BBS9: variants seen among roughly 807,000 people sequenced by gnomAD.
BBS9 encodes the protein protein PTHB1.
Under a neutral mutation model 117.7 loss-of-function variants are expected in BBS9, and 89 were observed. The ratio of observed to expected loss-of-function variants is 0.76; its 90% CI spans 0.64 to 0.90. The LOEUF is 0.90. Among genes scored for constraint, BBS9 ranks in the 40% least tolerant of loss-of-function variants. The pLI is 0.00. For missense variants in BBS9, 982 were observed against 1,042.2 expected (o/e 0.94, Z 0.80); for synonymous variants, 379 against 370.9 (o/e 1.02, Z -0.25).
chr7:33,246,849 C>T (rs529730869), intron 5 of BBS9, among the ~76,000 whole-genome samples: 2 of 152,074 alleles, frequency 1.3e-5, no homozygotes, highest in Admixed American at 6.5e-5. Flanking sequence ...ACAGCTCATT[C>T]CCCATTCCCA....
intron 9 of BBS9, among the ~76,000 whole-genome samples, chr7:33,323,782 T>C (rs915356660): frequency 6.6e-6 from 1 of 151,724 alleles, no homozygotes; most frequent in African/African-American, 2.4e-5. Flanking sequence ...CCTGCCATTT[T>C]GTTCTGTGGT....
At chr7:33,293,054 G>A (rs183656097) in intron 9 of BBS9, among the ~76,000 whole-genome samples, 7 of 151,584 alleles carry the variant, frequency 4.6e-5, no homozygotes, top group Admixed American at 1.3e-4. Flanking sequence ...AATTATTAGC[G>A]TTGACCTCAT....
At chr7:33,458,768 A>G (rs1235327076) in intron 19 of BBS9, among the ~76,000 whole-genome samples, 2 of 152,142 alleles carry the variant, frequency 1.3e-5, no homozygotes, top group African/African-American at 4.8e-5. Flanking sequence ...ATAGGTGAAC[A>G]TTTCTCAGTT....
intron 5 of BBS9, among the ~76,000 whole-genome samples, chr7:33,233,839 G>T (rs374908354): frequency 3.3e-5 from 5 of 152,124 alleles, no homozygotes; most frequent in African/African-American, 1.2e-4. Flanking sequence ...CCAGGTGCCA[G>T]CACGTGCTTC....
intron 5 of BBS9, among the ~76,000 whole-genome samples, chr7:33,244,655 C>T (rs781377412): frequency 1.3e-5 from 2 of 152,128 alleles, no homozygotes; most frequent in African/African-American, 2.4e-5. Context: ...CCCTCCTCCC[C>T]TCCTTTAGTC....
intron 19 of BBS9, among the ~76,000 whole-genome samples, chr7:33,497,447 A>T (rs1844888574): frequency 6.6e-6 from 1 of 152,160 alleles, no homozygotes; most frequent in African/African-American, 2.4e-5. Flanking sequence ...TTATCAGCTG[A>T]TATTTTTACA....
At chr7:33,328,018 G>A (rs982248526) in intron 9 of BBS9, among the ~76,000 whole-genome samples, 20 of 152,142 alleles carry the variant, frequency 1.3e-4, no homozygotes, top group African/African-American at 4.8e-4. Flanking sequence ...GGCCTTCTAA[G>A]TGTAGCTGTC....
intron 16 of BBS9, among the ~76,000 whole-genome samples, chr7:33,364,335 T>G (rs1584501034): frequency 6.6e-6 from 1 of 152,166 alleles, no homozygotes; most frequent in Non-Finnish European, 1.5e-5. Flanking sequence ...TGTAATTTAG[T>G]TTTTTTCTAC....
intron 19 of BBS9, among the ~76,000 whole-genome samples, chr7:33,398,478 CAA>C (rs908015850): frequency 2.2e-4 from 33 of 152,290 alleles, no homozygotes; most frequent in African/African-American, 6.7e-4. Context: ...CTCAGCCAAA[CAA>C]GAGCAATATA....
chr7:33,407,816 C>T (rs908105416), intron 19 of BBS9, among the ~76,000 whole-genome samples: 2 of 152,160 alleles, frequency 1.3e-5, no homozygotes, highest in Admixed American at 6.5e-5. Flanking sequence ...GAGGAGTACC[C>T]GGCCATGTGA....
chr7:33,135,119 C>T (rs1477462052), intron 1 of BBS9, among the ~76,000 whole-genome samples: 1 of 152,206 alleles, frequency 6.6e-6, no homozygotes, highest in Non-Finnish European at 1.5e-5. Flanking sequence ...GCTCAGACTT[C>T]TGGCTCAAGC....
At chr7:33,151,051 A>T (rs979525443) in intron 2 of BBS9, among the ~76,000 whole-genome samples, 1 of 152,184 alleles carries the variant, frequency 6.6e-6, no homozygotes. Context: ...CAGAAGTTTG[A>T]GACCAGCCCA....
intron 21 of BBS9, among the ~76,000 whole-genome samples, chr7:33,598,440 A>G (rs1266570211): frequency 1.3e-5 from 2 of 152,210 alleles, no homozygotes; most frequent in Non-Finnish European, 2.9e-5. Context: ...TATTCTGGAT[A>G]GCATCCTGAA....
chr7:33,443,250 A>G (rs1330585231), intron 19 of BBS9, among the ~76,000 whole-genome samples: 1 of 152,154 alleles, frequency 6.6e-6, no homozygotes, highest in Admixed American at 6.5e-5. Context: ...TTTTTGTTTG[A>G]TAGAAAGATG....
intron 21 of BBS9, among the ~76,000 whole-genome samples, chr7:33,598,557 A>G (rs1250787263): frequency 6.6e-6 from 1 of 152,206 alleles, no homozygotes; most frequent in Non-Finnish European, 1.5e-5. Flanking sequence ...CATGTACCAC[A>G]CTAATGAAAG....
chr7:33,289,177 A>G lies in BBS9; in HGVS notation c.1016+15221A>G, dbSNP rs553705107. 1.7e-4 allele frequency among the ~76,000 whole-genome samples: 26 copies of G among 152,306 alleles called. No individual in the cohort carries two copies. The South Asian group carries it at 3.5e-3, about 21-fold the overall frequency. On this transcript the variant is annotated intron_variant, in intron 9 of 22. Transcript: ENST00000242067. ...ATGTTATTTAGAGTTGTTAGGGTAA[A>G]CACCTGGAAAAACCAGAAAGTGGAA...
chr7:33,510,014 TG>T (rs879490450), intron 20 of BBS9, among the ~76,000 whole-genome samples: 72 of 152,300 alleles, frequency 4.7e-4, no homozygotes, highest in Admixed American at 3.8e-3. Context: ...CAAAGTTATA[TG>T]GGCCAGATGT....
rs114617046 is a variant in BBS9 at position 33,173,451 on chromosome 7, G to A, written c.329-4027G>A. On this transcript the variant is annotated intron_variant, in intron 4 of 22. Coordinates refer to ENST00000242067, the MANE Select transcript of BBS9 (RefSeq NM_198428.3). Reference sequence around the variant, plus strand: ...AAAAAATCAGCTGGGCGTGGTGGCAGGTCCCAGCTACTCGCGAGGATGAGG... The same window carrying A: ...AAAAAATCAGCTGGGCGTGGTGGCAAGTCCCAGCTACTCGCGAGGATGAGG... Among the ~76,000 whole-genome samples, 800 of 151,754 alleles carry A rather than the reference G, an allele frequency of 5.3e-3. 9 individuals carry two copies. Among genetic ancestry groups the A allele is most frequent in the African/African-American group, 0.018 (763 of 41,362 alleles).
chr7:33,623,418 C>A (rs1585496634), intron 21 of BBS9, among the ~76,000 whole-genome samples: 2 of 152,188 alleles, frequency 1.3e-5, no homozygotes, highest in Non-Finnish European at 2.9e-5. Flanking sequence ...AAAATACCCA[C>A]ATCTGTTGAA....
Sources: allele counts gnomAD v4.1 joint callset (sites outside exome capture counted in the v4.1 genomes callset), GRCh38; gene constraint gnomAD v4.1.1; transcripts MANE v1.5; gene names NCBI Gene and HGNC (gene_info 2026-07-23, HGNC 2026-07-21).